RYR1: variants seen among roughly 807,000 people sequenced by gnomAD.
RYR1 encodes ryanodine receptor 1, also known as central core disease of muscle.
A neutral mutation model predicts 583.5 loss-of-function variants in RYR1; 342 were observed. The observed-to-expected ratio is 0.59, with a 90% CI of 0.54 to 0.64. The LOEUF is 0.64. RYR1 is among the 30% of genes least tolerant of loss of function. The probability of loss-of-function intolerance (pLI) is 0.00; values close to 1 mark genes in which losing one functional copy is unlikely to be tolerated. For missense variants in RYR1, 6,032 were observed against 6,917.2 expected, an observed-to-expected ratio of 0.87 and a Z score of 4.54; for synonymous variants, 2,791 against 2,822.5, an observed-to-expected ratio of 0.99 and a Z score of 0.35.
In RYR1 at chr19:38,433,758, C is replaced by A; in HGVS notation, c.-72C>A. On this transcript the variant is annotated 5_prime_UTR_variant, in exon 1 of 106. Coordinates refer to ENST00000359596, the MANE Select transcript of RYR1 (RefSeq NM_000540.3). ...GTCTCCGACCCCAGCCCGCCCCCAG[C>A]CCTCCCGCCCAGCCCGCAGCCCCCT... 1.4e-6 allele frequency: 1 copy of A among 703,842 alleles called. No homozygotes were observed. Among genetic ancestry groups the A allele is most frequent in the Non-Finnish European group, 2.6e-6 (1 of 387,896 alleles). 43.6% of individuals were successfully genotyped at this position (703,842 alleles called of 1,614,324 possible).
In RYR1 at chr19:38,566,920, G is replaced by A. The variant is rs1374937370; in HGVS notation, c.13447G>A (p.Val4483Met). 1.2e-6 allele frequency: 2 copies of A among 1,605,600 alleles called. No homozygotes were observed. The highest frequency in any genetic ancestry group is 3.4e-5 in the Admixed American group (2 of 58,642). Residue 4483 changes from valine to methionine, a missense_variant, in exon 92 of 106, where the codon GTG (valine) becomes ATG (methionine). Val to Met is a conservative substitution (Grantham distance 21). Around this residue, in one of 11 missense-constraint regions of RYR1, gnomAD observed 753 missense variants for 759.6 expected, o/e 0.99. Transcript: ENST00000359596. ...ILKRKLGVDG[V>M]EEELPPEPEP... ...CTTGCCCTGTCCCTAGGTGGATGGA[G>A]TGGAGGAGGAGCTCCCGCCAGAGCC...
chr19:38,468,950 C>T lies in RYR1; in HGVS notation c.3382-16C>T, dbSNP rs752284281. 1 of 1,613,970 alleles carries T rather than the reference C, an allele frequency of 6.2e-7. No individual in the cohort carries two copies. The highest frequency in any genetic ancestry group is 1.1e-5 in the South Asian group (1 of 91,044). On this transcript the variant is annotated splice_polypyrimidine_tract_variant and intron_variant, in intron 25 of 105. Transcript: ENST00000359596. ...TGTGTCTCCCCACACCATGTCTTCTCTGGCTGTCCTCACAGGGCCAGCGCT... is the reference window on the plus strand; with the variant it reads ...TGTGTCTCCCCACACCATGTCTTCTTTGGCTGTCCTCACAGGGCCAGCGCT...
chr19:38,502,750 G>A (rs747955407), intron 48 of RYR1, 23 bp downstream of exon 48: 6 of 1,236,570 alleles, frequency 4.9e-6, no homozygotes, highest in Middle Eastern at 2.3e-4. Flanking sequence ...AGGCTTCAGG[G>A]TGGGGCAGGG....
intron 84 of RYR1, among the ~76,000 whole-genome samples, chr19:38,542,463 C>T (rs973133338): frequency 2.6e-5 from 4 of 152,226 alleles, no homozygotes; most frequent in South Asian, 2.1e-4. Context: ...ATAAATGACG[C>T]TCCACCACAT....
At chr19:38,519,772 G>A (rs1243471615) in intron 67 of RYR1, among the ~76,000 whole-genome samples, 2 of 151,872 alleles carry the variant, frequency 1.3e-5, no homozygotes, top group Non-Finnish European at 2.9e-5. Flanking sequence ...TCCACCTCCC[G>A]GGTTCAAGTG....
chr19:38,500,749 C>T lies in RYR1; in HGVS notation c.7444+23C>T, dbSNP rs1257764139. The T allele has an allele frequency of 1.9e-6, 3 of 1,613,992 alleles. No individual in the cohort carries two copies. Among genetic ancestry groups the T allele is most frequent in the Non-Finnish European group, 1.7e-6 (2 of 1,180,008 alleles). ...AAGGTGCAGAGGGGATGGAACTTGGCGAAGGAGTGATGCTGGGGAGGGAGC... is the reference window on the plus strand; with the variant it reads ...AAGGTGCAGAGGGGATGGAACTTGGTGAAGGAGTGATGCTGGGGAGGGAGC... On this transcript the variant is annotated intron_variant, in intron 46 of 105. Coordinates refer to ENST00000359596, the MANE Select transcript of RYR1 (RefSeq NM_000540.3). This position sits in a 1 kb window ranked among gnomAD's most constrained non-coding sequence, Gnocchi z 5.9.
chr19:38,473,490 A>G lies in RYR1; in HGVS notation c.3879A>G (p.Pro1293=), dbSNP rs1238023146. 1.2e-6 allele frequency: 2 copies of G among 1,613,674 alleles called. No homozygotes were observed. Among genetic ancestry groups the G allele is most frequent in the South Asian group, 1.1e-5 (1 of 91,082 alleles). ...VEMLFLRLSL[P]VQFHQHFRCT... ...TGCTTTTCCTGCGGCTGAGCCTCCC[A>G]GTCCAGTTCCACCAGCACTTCCGCT... The change falls in exon 28 of 106, where the codon CCA becomes CCG. Residue 1293 remains proline, a synonymous_variant. Coordinates refer to ENST00000359596, the MANE Select transcript of RYR1 (RefSeq NM_000540.3).
At chr19:38,463,713 G>A (rs758576822) in intron 21 of RYR1, 34 bp from the exon 22 acceptor site, 3 of 1,588,692 alleles carry the variant, frequency 1.9e-6, no homozygotes, top group South Asian at 2.2e-5. Context: ...GAAGGAAAGG[G>A]GAGCACATGG....
chr19:38,464,975 T>C (rs1291535446), intron 23 of RYR1, among the ~76,000 whole-genome samples: 3 of 151,162 alleles, frequency 2.0e-5, no homozygotes, highest in African/African-American at 7.3e-5. Flanking sequence ...CTGCCTAGAG[T>C]CAGGGAAAAT....
At chr19:38,539,127 A>C (rs1431050390) in intron 84 of RYR1, among the ~76,000 whole-genome samples, 1 of 152,118 alleles carries the variant, frequency 6.6e-6, no homozygotes, top group Non-Finnish European at 1.5e-5. Context: ...TTTTCTTTCA[A>C]CAAAGGATAA....
chr19:38,568,895 C>T (rs552605855), intron 93 of RYR1, among the ~76,000 whole-genome samples: 2 of 152,142 alleles, frequency 1.3e-5, no homozygotes, highest in East Asian at 3.9e-4. Flanking sequence ...CCTGGCCGTG[C>T]GAGGGGGCTC....
chr19:38,532,472 C>G lies in RYR1; in HGVS notation c.11142-18C>G. On this transcript the variant is annotated intron_variant, in intron 76 of 105. Coordinates refer to ENST00000359596, the MANE Select transcript of RYR1 (RefSeq NM_000540.3). ...CCTCTCCACCGGGTCCTGACCACTC[C>G]CCTGCTTACTTCCCCAGCAAACTGG... 1 of 1,614,118 alleles carries G rather than the reference C, an allele frequency of 6.2e-7. No homozygotes were observed. Among genetic ancestry groups the G allele is most frequent in the Non-Finnish European group, 8.5e-7 (1 of 1,180,016 alleles).
rs754785770 is a variant in RYR1, at chr19:38,485,787, A to C, written c.5132A>C (p.Tyr1711Ser). The C allele has an allele frequency of 6.2e-7, 1 of 1,613,206 alleles. No homozygotes were observed. Among genetic ancestry groups the C allele is most frequent in the Non-Finnish European group, 8.5e-7 (1 of 1,179,970 alleles). ...HLPGPLRAGYYDLLISIHLES... is the reference protein window; with the variant it reads ...HLPGPLRAGYSDLLISIHLES... ...CCAGGCCCACTGCGCGCAGGCTACT[A>C]TGACCTCCTCATCAGCATCCACCTC... Residue 1711 changes from tyrosine to serine, a missense_variant, in exon 34 of 106, where the codon TAT (tyrosine) becomes TCT (serine). Tyr to Ser is a moderately radical substitution (Grantham distance 144). This residue lies in a region of RYR1 where 2,627 missense variants were observed against 2,961.3 expected (regional missense o/e 0.89). Coordinates refer to ENST00000359596, the MANE Select transcript of RYR1 (RefSeq NM_000540.3).
chr19:38,503,012 C>T (rs1970267846), intron 49 of RYR1, 42 bp downstream of exon 49: 13 of 1,589,094 alleles, frequency 8.2e-6, no homozygotes, highest in African/African-American at 1.3e-5. Context: ...CCAGGCCGCA[C>T]CCACTGGTTT....
At chr19:38,473,015 C>CAAAA (rs199613372) in intron 27 of RYR1, among the ~76,000 whole-genome samples, 2 of 74,584 alleles carry the variant, frequency 2.7e-5, no homozygotes, top group Admixed American at 1.5e-4. Flanking sequence ...GACTGTGTCT[C>CAAAA]AAAAAAAAAA....
chr19:38,458,192 G>A lies in RYR1; in HGVS notation c.2067G>A (p.Glu689=). 6.2e-7 allele frequency: 1 copy of A among 1,613,942 alleles called. No homozygotes were observed. The stretch of plus-strand genomic sequence containing the variant: ...TGCGGGTGGGCTGGGCCCTCACCGA[G>A]GGCTACACCCCCTACCCTGGGGCCG... ...THLRVGWALT[E]GYTPYPGAGE... The change falls in exon 18 of 106, where the codon GAG becomes GAA. Residue 689 remains glutamate, a synonymous_variant. Transcript: ENST00000359596.
intron 1 of RYR1, among the ~76,000 whole-genome samples, chr19:38,435,381 C>T (rs1032482444): frequency 2.6e-5 from 4 of 152,140 alleles, no homozygotes; most frequent in Non-Finnish European, 5.9e-5. Flanking sequence ...TGGAATCTCT[C>T]CACCCCAGAC....
At chr19:38,574,806 G>A (rs916502523) in intron 96 of RYR1, among the ~76,000 whole-genome samples, 3 of 151,862 alleles carry the variant, frequency 2.0e-5, no homozygotes, top group Non-Finnish European at 4.4e-5. Flanking sequence ...TTGGGAGGCC[G>A]AGGCAGGCGG....
At chr19:38,457,885 A>C (rs1327796408) in intron 17 of RYR1, among the ~76,000 whole-genome samples, 166 bp from the exon 18 acceptor site, 2 of 149,412 alleles carry the variant, frequency 1.3e-5, no homozygotes, top group Non-Finnish European at 3.0e-5. Flanking sequence ...TTCTCTTTTT[A>C]TCTTTGCCTG....
Sources: gnomAD v4.1 joint callset for allele counts (sites outside exome capture counted in the v4.1 genomes callset) on GRCh38, gnomAD v4.1.1 for gene constraint, gnomAD v4.1.1 regional missense constraint, Gnocchi (gnomAD v3.1) non-coding constraint, MANE v1.5 for transcripts, NCBI Gene and HGNC (gene_info 2026-07-23, HGNC 2026-07-21) for gene names.